Variants in MYO18B observed in about 807,000 individuals in gnomAD.
MYO18B encodes the protein myosin XVIIIB.
In MYO18B, 204 loss-of-function variants were observed where a neutral mutation model predicts 273.0. The ratio of observed to expected loss-of-function variants is 0.75; its 90% CI spans 0.67 to 0.84. MYO18B has a LOEUF of 0.84. MYO18B is among the 40% of genes least tolerant of loss of function. The probability of loss-of-function intolerance (pLI) is 0.00; values close to 1 mark genes in which losing one functional copy is unlikely to be tolerated. For synonymous variants in MYO18B, 1,330 were observed against 1,305.7 expected, an observed-to-expected ratio of 1.02 and a Z score of -0.40; for missense variants, 3,212 against 3,287.6, an observed-to-expected ratio of 0.98 and a Z score of 0.56.
chr22:25,775,219 C>T (rs1038219131), intron 7 of MYO18B, among the ~76,000 whole-genome samples: 15 of 152,222 alleles, frequency 9.9e-5, no homozygotes, highest in South Asian at 2.1e-4. Flanking sequence ...GGGCATATCC[C>T]TCCTTTGCCT....
At chr22:25,773,564 C>T (rs139227493) in intron 7 of MYO18B, among the ~76,000 whole-genome samples, 2,278 of 152,236 alleles carry the variant, frequency 0.015, 52 homozygotes, top group African/African-American at 0.051. Flanking sequence ...CCCGGGTTCA[C>T]GCCATTCTCC....
chr22:25,859,983 T>C (rs1424148434), intron 21 of MYO18B, among the ~76,000 whole-genome samples: 1 of 152,206 alleles, frequency 6.6e-6, no homozygotes. Flanking sequence ...CGTGTAGACA[T>C]TTGATCTATT....
chr22:25,914,993 G>A (rs1282526493), intron 33 of MYO18B, among the ~76,000 whole-genome samples: 2 of 151,302 alleles, frequency 1.3e-5, no homozygotes, highest in Admixed American at 1.3e-4. Flanking sequence ...CACCGCGCCC[G>A]GCCAGTTTTG....
At chr22:25,937,216 T>C (rs1304941068) in intron 34 of MYO18B, among the ~76,000 whole-genome samples, 2 of 151,920 alleles carry the variant, frequency 1.3e-5, no homozygotes, top group African/African-American at 2.4e-5. Flanking sequence ...CCCGAATAGC[T>C]GGGATTAATG....
At chr22:25,930,922 A>G (rs1601604944) in intron 34 of MYO18B, among the ~76,000 whole-genome samples, 2 of 152,178 alleles carry the variant, frequency 1.3e-5, no homozygotes, top group East Asian at 3.9e-4. Context: ...TAGTGCTTAG[A>G]AGACTAATAA....
Position 25,831,138 on chromosome 22 carries a change from G to T in MYO18B, c.2980-1779G>T, listed in dbSNP as rs566248683. On this transcript the variant is annotated intron_variant, in intron 15 of 43. Transcript: ENST00000335473. ...GTTACCATTTTCCCTTTATTATGTT[G>T]TCCGTGGATTTTGGATCTTCCTGTA... 2.0e-5 allele frequency among the ~76,000 whole-genome samples: 3 copies of T among 152,156 alleles called. No individual in the cohort carries two copies. The South Asian group carries it at 6.2e-4, about 32-fold the overall frequency.
rs2092802126 is a variant in MYO18B at position 25,952,327 on chromosome 22, C to T, written c.5874C>T (p.Ser1958=). The T allele has an allele frequency of 6.2e-7, 1 of 1,611,542 alleles. No homozygotes were observed. Among genetic ancestry groups the T allele is most frequent in the Non-Finnish European group, 8.5e-7 (1 of 1,179,028 alleles). The change falls in exon 38 of 44, where the codon TCC becomes TCT. Residue 1958 remains serine, a synonymous_variant. Coordinates refer to ENST00000335473, the MANE Select transcript of MYO18B (RefSeq NM_032608.7). ...TGCGCATCGAGTACCTGGAACAGTC[C>T]ACCGTGGATCGAGCCATCGTCAGCA... ...AQMRIEYLEQ[S]TVDRAIVSRQ... is the part of the protein sequence containing the mutation.
intron 17 of MYO18B, 126 bp downstream of exon 17, chr22:25,835,569 G>C: frequency 8.7e-7 from 1 of 1,145,826 alleles, no homozygotes; most frequent in Non-Finnish European, 1.2e-6. Flanking sequence ...AGGTGAATGT[G>C]CATGAGCCTG....
chr22:25,948,782 C>T (rs976728216), intron 36 of MYO18B, among the ~76,000 whole-genome samples: 2 of 151,926 alleles, frequency 1.3e-5, no homozygotes, highest in South Asian at 4.1e-4. Context: ...GGCAGACTTG[C>T]AAACTGAGCC....
At chr22:25,749,343 T>C (rs1387912407) in intron 1 of MYO18B, among the ~76,000 whole-genome samples, 1 of 152,116 alleles carries the variant, frequency 6.6e-6, no homozygotes, top group Non-Finnish European at 1.5e-5. Context: ...TGGGGCTGTA[T>C]GGGACAAGGG....
chr22:25,767,412 A>G (rs1010785945), intron 3 of MYO18B, among the ~76,000 whole-genome samples: 4 of 152,246 alleles, frequency 2.6e-5, no homozygotes, highest in Non-Finnish European at 5.9e-5. Context: ...TGGAAGTAGC[A>G]GCAGCTCGGT....
At chr22:25,799,413 A>G (rs997387568) in intron 12 of MYO18B, among the ~76,000 whole-genome samples, 4 of 152,114 alleles carry the variant, frequency 2.6e-5, no homozygotes, top group South Asian at 2.1e-4. Context: ...GAGAGTGGGG[A>G]TGAAGAGCAA....
intron 23 of MYO18B, among the ~76,000 whole-genome samples, chr22:25,875,154 C>T (rs762180462): frequency 8.5e-5 from 13 of 152,218 alleles, no homozygotes; most frequent in Non-Finnish European, 1.9e-4. Flanking sequence ...GGCAACCCCA[C>T]TGGCCTTCTG....
At chr22:25,916,981 G>A (rs1372758388) in intron 33 of MYO18B, among the ~76,000 whole-genome samples, 5 of 152,168 alleles carry the variant, frequency 3.3e-5, no homozygotes, top group Non-Finnish European at 7.3e-5. Flanking sequence ...GTAGTGAGCC[G>A]AGATTGCGCC....
rs900974604 is a variant in MYO18B, at chr22:25,841,237, G to C, written c.3209-2498G>C. Among the ~76,000 whole-genome samples the C allele has an allele frequency of 2.6e-5, 4 of 152,202 alleles. No homozygotes were observed. The South Asian group carries it at 6.2e-4, about 24-fold the overall frequency. On this transcript the variant is annotated intron_variant, in intron 17 of 43. Coordinates refer to ENST00000335473, the MANE Select transcript of MYO18B (RefSeq NM_032608.7). ...AGGGGGCCCTCTCTGGGGGGTTCAG[G>C]CTGCTGGGGGAGGTGACAGAGTCTG... is the stretch of plus-strand genomic sequence containing the variant.
Position 25,798,084 on chromosome 22 carries a change from G to A in MYO18B, c.2508G>A (p.Ala836=), listed in dbSNP as rs777388765. The A allele has an allele frequency of 3.9e-5, 63 of 1,607,166 alleles. No individual in the cohort carries two copies. The highest frequency in any genetic ancestry group is 1.7e-4 in the Middle Eastern group (1 of 6,050). ...VLAAIYHLGA[A]GACKVGRKQF... ...CAGCCATCTACCACCTGGGTGCGGC[G>A]GGGGCCTGCAAAGGTACGTCCTTCC... The change falls in exon 12 of 44, where the codon GCG becomes GCA. Residue 836 remains alanine, a synonymous_variant. Coordinates refer to ENST00000335473, the MANE Select transcript of MYO18B (RefSeq NM_032608.7).
At chr22:25,807,766 G>C (rs2088549590) in intron 12 of MYO18B, among the ~76,000 whole-genome samples, 1 of 152,118 alleles carries the variant, frequency 6.6e-6, no homozygotes, top group African/African-American at 2.4e-5. Context: ...TCCACCCCTA[G>C]ATGAAGGAGC....
chr22:25,768,687 G>T lies in MYO18B; in HGVS notation c.771G>T (p.Glu257Asp). The T allele has an allele frequency of 6.4e-7, 1 of 1,561,994 alleles. No individual in the cohort carries two copies. Among genetic ancestry groups the T allele is most frequent in the Non-Finnish European group, 8.6e-7 (1 of 1,156,842 alleles). Residue 257 changes from glutamate to aspartate, a missense_variant, in exon 4 of 44, where the codon GAG becomes GAT. Glu to Asp is a conservative substitution (Grantham distance 45). Coordinates refer to ENST00000335473, the MANE Select transcript of MYO18B (RefSeq NM_032608.7). ...TPKTTELKEA[E>D]PQGKDRQGTR... The stretch of plus-strand genomic sequence containing the variant: ...AGACCACAGAGCTGAAAGAGGCTGA[G>T]CCCCAGGGCAAAGACAGGCAGGGGA...
At chr22:25,869,341 T>C (rs1569131775) in intron 22 of MYO18B, among the ~76,000 whole-genome samples, 1 of 150,464 alleles carries the variant, frequency 6.6e-6, no homozygotes, top group South Asian at 2.1e-4. Context: ...TCCCAGCTAC[T>C]TGGGAGGCCG....
Sources: allele counts gnomAD v4.1 joint callset (sites outside exome capture counted in the v4.1 genomes callset), GRCh38; gene constraint gnomAD v4.1.1; transcripts MANE v1.5; gene names NCBI Gene and HGNC (gene_info 2026-07-23, HGNC 2026-07-21).